NRXN1: variants seen among roughly 807,000 people sequenced by gnomAD.
The protein encoded by NRXN1 is neurexin-1.
A neutral mutation model predicts 150.9 loss-of-function variants in NRXN1; 39 were observed. The ratio of observed to expected loss-of-function variants is 0.26; its 90% CI spans 0.20 to 0.34. The LOEUF (loss-of-function observed/expected upper bound fraction) is 0.34, where lower values mean the gene tolerates loss of function less well. Among genes scored for constraint, NRXN1 ranks in the 10% least tolerant of loss-of-function variants. NRXN1 has a pLI of 1.00. For missense variants in NRXN1, 1,815 were observed against 1,949.9 expected (o/e 0.93, Z 1.30); for synonymous variants, 924 against 757.0 (o/e 1.22, Z -3.62).
chr2:50,552,834 T>C lies in NRXN1; in HGVS notation c.1512A>G (p.Ile504Met). ...PKWNAKKTGS[I>M]SFDFRTTEPN... ...GCTCTGTTGTACGGAAATCAAATGA[T>C]ATGGAGCCAGTTTTCTTTGCATTCC... is the stretch of plus-strand genomic sequence containing the variant. The change falls in exon 9 of 23, where the codon ATA (isoleucine) becomes ATG (methionine). Residue 504 changes from isoleucine to methionine, a missense_variant. Coordinates refer to ENST00000401669, the MANE Select transcript of NRXN1 (RefSeq NM_001330078.2). The C allele has an allele frequency of 1.2e-6, 2 of 1,613,968 alleles. No homozygotes were observed.
At chr2:50,471,789 T>C (rs975063698) in intron 16 of NRXN1, among the ~76,000 whole-genome samples, 9 of 151,748 alleles carry the variant, frequency 5.9e-5, no homozygotes, top group Non-Finnish European at 2.9e-5. Context: ...GTACTAGGCT[T>C]AATACTTGAG....
intron 18 of NRXN1, among the ~76,000 whole-genome samples, chr2:50,127,843 G>A (rs987799056): frequency 2.0e-5 from 3 of 152,110 alleles, no homozygotes; most frequent in African/African-American, 7.2e-5. Context: ...TAAATAAGAA[G>A]CAAAAGAAAA....
chr2:50,869,725 G>T (rs1424205616), intron 5 of NRXN1, among the ~76,000 whole-genome samples: 1 of 151,740 alleles, frequency 6.6e-6, no homozygotes, highest in Non-Finnish European at 1.5e-5. Flanking sequence ...ACTAGATTTT[G>T]AATTACATTA....
chr2:50,229,817 T>A (rs1317350069), intron 18 of NRXN1, among the ~76,000 whole-genome samples: 1 of 152,076 alleles, frequency 6.6e-6, no homozygotes, highest in African/African-American at 2.4e-5. Context: ...AAGGTACGCT[T>A]TTGAAAAATA....
chr2:50,867,421 C>T (rs559243629), intron 5 of NRXN1, among the ~76,000 whole-genome samples: 6 of 151,818 alleles, frequency 4.0e-5, no homozygotes, highest in East Asian at 2.0e-4. Flanking sequence ...AGGGGACAGA[C>T]GGAGAACTGT....
chr2:50,907,092 T>A (rs1683806143), intron 5 of NRXN1, among the ~76,000 whole-genome samples: 2 of 151,410 alleles, frequency 1.3e-5, no homozygotes, highest in Admixed American at 1.3e-4. Context: ...TGTAGAAAGG[T>A]CACTCTCTCC....
At chr2:50,718,871 C>G (rs1696224246) in intron 5 of NRXN1, among the ~76,000 whole-genome samples, 1 of 152,010 alleles carries the variant, frequency 6.6e-6, no homozygotes. Flanking sequence ...TCTCTTCTCC[C>G]TTCTTTCTTT....
chr2:50,617,793 T>C (rs908283875), intron 8 of NRXN1, among the ~76,000 whole-genome samples: 9 of 152,196 alleles, frequency 5.9e-5, no homozygotes, highest in African/African-American at 2.2e-4. Flanking sequence ...AAAAAATGAA[T>C]ACTAAGGTAA....
intron 5 of NRXN1, among the ~76,000 whole-genome samples, chr2:50,799,349 A>G (rs1707274748): frequency 6.6e-6 from 1 of 152,188 alleles, no homozygotes; most frequent in Non-Finnish European, 1.5e-5. Context: ...AGATGGTGAA[A>G]TTGAAAGGCA....
chr2:50,313,028 A>C (rs1369014243), intron 17 of NRXN1, among the ~76,000 whole-genome samples: 12 of 152,120 alleles, frequency 7.9e-5, no homozygotes. Flanking sequence ...AAGTTAAAGT[A>C]TATAACAACA....
chr2:50,119,240 G>T (rs1311298272), intron 18 of NRXN1, among the ~76,000 whole-genome samples: 1 of 152,022 alleles, frequency 6.6e-6, no homozygotes, highest in African/African-American at 2.4e-5. Flanking sequence ...GGAAGGCTAG[G>T]TATATTGAAA....
intron 5 of NRXN1, among the ~76,000 whole-genome samples, chr2:50,705,229 T>G (rs1323240689): frequency 6.6e-6 from 1 of 152,178 alleles, no homozygotes; most frequent in Non-Finnish European, 1.5e-5. Flanking sequence ...TACAAGTTTA[T>G]TTGAATCATA....
intron 10 of NRXN1, among the ~76,000 whole-genome samples, chr2:50,532,897 T>G (rs2093156112): frequency 6.6e-6 from 1 of 152,142 alleles, no homozygotes; most frequent in Admixed American, 6.6e-5. Context: ...TTCCGATAAC[T>G]CAGGATGCTA....
chr2:50,888,175 A>G (rs1164197764), intron 5 of NRXN1, among the ~76,000 whole-genome samples: 1 of 151,556 alleles, frequency 6.6e-6, no homozygotes. Flanking sequence ...TTCAAGAAAA[A>G]TGATATCAAT....
Position 50,347,617 on chromosome 2 carries a change from C to T in NRXN1, c.3365-110647G>A, listed in dbSNP as rs201024655. 3.0e-6 allele frequency: 3 copies of T among 1,005,700 alleles called. No individual in the cohort carries two copies. The highest frequency in any genetic ancestry group is 3.5e-5 in the African/African-American group (2 of 57,298). 62.3% of individuals were successfully genotyped at this position (1,005,700 alleles called of 1,614,324 possible). A position where few individuals can be genotyped will look rare whatever the true frequency, so the allele number is the denominator to read the frequency against. The stretch of plus-strand genomic sequence containing the variant: ...CGCGTCCGCCGCCTCCTGACACTTA[C>T]GCCCGGCGAGGGGTTCAGAGGGAAG... On this transcript the variant is annotated intron_variant, in intron 17 of 22. Coordinates refer to ENST00000401669, the MANE Select transcript of NRXN1 (RefSeq NM_001330078.2). The surrounding 1 kb of genome is among the most constrained non-coding windows in gnomAD (Gnocchi z 4.9).
At chr2:50,886,190 T>C (rs955659267) in intron 5 of NRXN1, among the ~76,000 whole-genome samples, 41 of 151,340 alleles carry the variant, frequency 2.7e-4, no homozygotes, top group African/African-American at 9.7e-4. Context: ...CCAAACACTT[T>C]TCTAACTGGC....
intron 9 of NRXN1, among the ~76,000 whole-genome samples, chr2:50,541,027 G>T (rs780251806): frequency 6.6e-6 from 1 of 151,974 alleles, no homozygotes. Flanking sequence ...GTTCAATAAG[G>T]CCTCCTAAAA....
intron 8 of NRXN1, among the ~76,000 whole-genome samples, chr2:50,565,840 G>A (rs1189995247): frequency 1.3e-5 from 2 of 152,022 alleles, no homozygotes; most frequent in Non-Finnish European, 2.9e-5. Context: ...TCTGCCCTTG[G>A]CCAGACCATG....
chr2:51,022,557 C>T (rs1449531040), intron 2 of NRXN1, among the ~76,000 whole-genome samples: 3 of 152,100 alleles, frequency 2.0e-5, no homozygotes, highest in Admixed American at 1.3e-4. Flanking sequence ...CACTGTCATA[C>T]TTTAAGAGTT....
Sources: allele counts gnomAD v4.1 joint callset (sites outside exome capture counted in the v4.1 genomes callset), GRCh38; gene constraint gnomAD v4.1.1; non-coding constraint Gnocchi (gnomAD v3.1); transcripts MANE v1.5; gene names NCBI Gene and HGNC (gene_info 2026-07-23, HGNC 2026-07-21).